The following TTN variants were observed in gnomAD, a reference collection of about 807,000 sequenced individuals.
TTN encodes titin.
Under a neutral mutation model 3,223.0 loss-of-function variants are expected in TTN, and 1,525 were observed. That is an observed-to-expected ratio of 0.47 (90% CI 0.45 to 0.49). The LOEUF (loss-of-function observed/expected upper bound fraction) is 0.49. Among genes scored for constraint, TTN ranks in the 20% least tolerant of loss-of-function variants. The pLI is 0.00. For synonymous variants in TTN, 14,094 were observed against 15,161.0 expected (o/e 0.93, Z 5.17); for missense variants, 40,786 against 43,424.0 (o/e 0.94, Z 5.40).
At chr2:178,666,762 T>C (rs1371804367) in intron 163 of TTN, 62 bp downstream of exon 163, 22 of 1,386,036 alleles carry the variant, frequency 1.6e-5, no homozygotes, top group Non-Finnish European at 2.1e-5. Flanking sequence ...TTAGTATTTT[T>C]ACATGTGTTA....
rs560643672 is a variant in TTN at position 178,570,196 on chromosome 2, T to C, written c.75936A>G (p.Glu25312=). 7.4e-6 allele frequency: 12 copies of C among 1,613,498 alleles called. 1 individual carries two copies. The highest frequency in any genetic ancestry group is 2.7e-5 in the African/African-American group (2 of 75,014). The change falls in exon 326 of 363, where the codon GAA becomes GAG. Residue 25312 remains glutamate, a synonymous_variant. Transcript: ENST00000589042. The stretch of plus-strand genomic sequence containing the variant: ...TTGAGTCCTTGGTCACTGTTGTGAC[T>C]TCTGGAGCTTTTGGTGCATCTGGTA... The part of the protein sequence containing the change: ...FVVPDAPKAP[E]VTTVTKDSMI...
At chr2:178,644,839 GA>G (rs1429686547) in intron 217 of TTN, 1 of 426,356 alleles carries the variant, frequency 2.3e-6, no homozygotes, top group African/African-American at 2.1e-5. Context: ...AGCAGAAAAA[GA>G]AGACAATTTT....
Position 178,599,097 on chromosome 2 carries a change from A to T in TTN, c.56648-35T>A, listed in dbSNP as rs372922025. ...AGATCATATTGATTATAAGAAATTT[A>T]AAAAAAAAGTAAAAATGGCTTTGTA... is the stretch of plus-strand genomic sequence containing the variant. On this transcript the variant is annotated intron_variant, in intron 290 of 362. Transcript: ENST00000589042. The T allele has an allele frequency of 2.7e-4, 397 of 1,484,458 alleles. No homozygotes were observed. In the African/African-American group the frequency reaches 4.3e-3, roughly 16 times the overall value. The allele number at this position is 1,484,458 out of a possible 1,614,324, so 92.0% of individuals were successfully genotyped here. A position where few individuals can be genotyped will look rare whatever the true frequency, so the allele number is the denominator to read the frequency against.
Position 178,684,339 on chromosome 2 carries a change from T to C in TTN, c.32713A>G (p.Lys10905Glu), listed in dbSNP as rs1186242115. 1 of 1,613,462 alleles carries C rather than the reference T, an allele frequency of 6.2e-7. No homozygotes were observed. The highest frequency in any genetic ancestry group is 8.5e-7 in the Non-Finnish European group (1 of 1,179,604). ...VAVTKKEAPP[K>E]ARVPEEPKRA... The stretch of plus-strand genomic sequence containing the variant: ...GGAAGGGCGGATGTACCTCTTGCTT[T>C]TGGAGGCGCCTCTTTTTTAGTTACA... The change falls in exon 132 of 363, where the codon AAA (lysine) becomes GAA (glutamate). Residue 10905 changes from lysine to glutamate, a missense_variant. Physicochemically the swap from Lys to Glu is moderately conservative, Grantham distance 56 (BLOSUM62 1). Coordinates refer to ENST00000589042, the MANE Select transcript of TTN (RefSeq NM_001267550.2).
Position 178,723,889 on chromosome 2 carries a change from A to T in TTN, c.21370T>A (p.Ser7124Thr). ...YTCVAANVAG[S>T]DECRAVLTVQ... ...GTTAGCACTGCACGACATTCATCAG[A>T]CCCAGCGACATTAGCAGCCACGCAT... The change falls in exon 73 of 363, where the codon TCT becomes ACT. Residue 7124 changes from serine (S) to threonine (T), a missense_variant. Transcript: ENST00000589042. 1 of 1,613,070 alleles carries T rather than the reference A, an allele frequency of 6.2e-7. No individual in the cohort carries two copies. The highest frequency in any genetic ancestry group is 8.5e-7 in the Non-Finnish European group (1 of 1,179,268).
chr2:178,770,063 C>T lies in TTN; in HGVS notation c.8638G>A (p.Glu2880Lys). 15 of 1,614,176 alleles carry T rather than the reference C, an allele frequency of 9.3e-6. No individual in the cohort carries two copies. Among genetic ancestry groups the T allele is most frequent in the Non-Finnish European group, 1.3e-5 (15 of 1,180,022 alleles). Residue 2880 changes from glutamate (E) to lysine (K), a missense_variant, in exon 36 of 363, where the codon GAG becomes AAG. Glu to Lys is a moderately conservative substitution (Grantham distance 56). Transcript: ENST00000589042. ...QLECKAKLFVETLHITKTMKN... is the reference protein window; with the variant it reads ...QLECKAKLFVKTLHITKTMKN... ...TAGGGGGCTGCCTGATACTTACTCT[C>T]CACAAACAGTTTTGCTTTGCATTCC...
intron 19 of TTN, 30 bp from the exon 20 acceptor site, chr2:178,782,457 T>C: frequency 6.2e-7 from 1 of 1,613,912 alleles, no homozygotes; most frequent in Non-Finnish European, 8.5e-7. Context: ...CATATTAGCT[T>C]CCGGGTTGCA....
chr2:178,692,802 G>T (rs981484401), intron 119 of TTN, among the ~76,000 whole-genome samples: 2 of 152,134 alleles, frequency 1.3e-5, no homozygotes, highest in Non-Finnish European at 2.9e-5. Flanking sequence ...GGAACAGGTA[G>T]GAGCAATCCT....
chr2:178,580,682 A>G, intron 316 of TTN, 73 bp from the exon 317 acceptor site: 3 of 1,379,084 alleles, frequency 2.2e-6, no homozygotes, highest in Non-Finnish European at 3.0e-6. Context: ...TGGCCTTGTC[A>G]CTCCTAAAAT....
In TTN at chr2:178,663,673, T is replaced by A; in HGVS notation, c.36486A>T (p.Lys12162Asn). 3 of 1,613,642 alleles carry A rather than the reference T, an allele frequency of 1.9e-6. No individual in the cohort carries two copies. The highest frequency in any genetic ancestry group is 2.5e-6 in the Non-Finnish European group (3 of 1,179,744). The change falls in exon 171 of 363, where the codon AAA (lysine) becomes AAT (asparagine). Residue 12162 changes from lysine (K) to asparagine (N), a missense_variant. Coordinates refer to ENST00000589042, the MANE Select transcript of TTN (RefSeq NM_001267550.2). ...EPPKEVVPEKKAPVAPPKEPE... is the reference protein window; with the variant it reads ...EPPKEVVPEKNAPVAPPKEPE... The stretch of plus-strand genomic sequence containing the variant: ...GCTCTTTAGGAGGAGCCACTGGCGC[T>A]TTCTTTTCAGGAACTACTTCTTTGG...
At position 178,549,238 on chromosome 2, in the gene TTN, C is replaced by T. The variant is rs1698372447; in HGVS notation, c.92388G>A (p.Met30796Ile). The change falls in exon 339 of 363, where the codon ATG becomes ATA. Residue 30796 changes from methionine to isoleucine, a missense_variant. By Grantham distance (10) the Met-to-Ile change is conservative. Coordinates refer to ENST00000589042, the MANE Select transcript of TTN (RefSeq NM_001267550.2). ...GTCCAACTCCTGCAGCATTTTCAGC[C>T]ATGACATGGAATTCATACTCATTGC... Reference protein sequence around the residue: ...TEGNEYEFHVMAENAAGVGPA... With the variant: ...TEGNEYEFHVIAENAAGVGPA... The T allele has an allele frequency of 1.9e-6, 3 of 1,613,894 alleles. No homozygotes were observed. In the East Asian group the frequency reaches 6.7e-5, roughly 36 times the overall value.
chr2:178,527,963 CA>C lies in TTN; in HGVS notation c.107378-216del, dbSNP rs1254689461. 7 of 547,940 alleles carry C rather than the reference CA, an allele frequency of 1.3e-5. 1 individual carries two copies. In the Admixed American group the frequency reaches 2.4e-4, roughly 19 times the overall value. The allele number at this position is 547,940 out of a possible 1,614,324, so 33.9% of individuals were successfully genotyped here. A position where few individuals can be genotyped will look rare whatever the true frequency, so the allele number is the denominator to read the frequency against. ...ATGAATCCTTATATTTCTATCATTA[CA>C]TTACATGCAGGTGCTAGGAATCACT... On this transcript the variant is annotated intron_variant, in intron 361 of 362. Coordinates refer to ENST00000589042, the MANE Select transcript of TTN (RefSeq NM_001267550.2).
At chr2:178,708,043 C>G (rs561098957) in intron 99 of TTN, among the ~76,000 whole-genome samples, 2 of 152,218 alleles carry the variant, frequency 1.3e-5, no homozygotes, top group East Asian at 3.9e-4. Context: ...CACATGCTGC[C>G]CACAAATTGC....
At position 178,580,421 on chromosome 2, in the gene TTN, G is replaced by A. The variant is rs772361876; in HGVS notation, c.66958C>T (p.Arg22320Cys). ...TCATATTTGTTCACATTTTCACAGC[G>A]CAAGAAAGTGTCAAAGTCAGTTGAC... ...IKSTDFDTFL[R>C]CENVNKYDAG... Residue 22320 changes from arginine (R) to cysteine (C), a missense_variant, in exon 317 of 363, where the codon CGC (arginine) becomes TGC (cysteine). Arg to Cys is a radical substitution (Grantham distance 180). Coordinates refer to ENST00000589042, the MANE Select transcript of TTN (RefSeq NM_001267550.2). The A allele has an allele frequency of 1.9e-5, 31 of 1,613,130 alleles. No homozygotes were observed. Among genetic ancestry groups the A allele is most frequent in the South Asian group, 8.8e-5 (8 of 91,046 alleles).
Position 178,601,788 on chromosome 2 carries a change from C to T in TTN, c.55303-1G>A, listed in dbSNP as rs748369265. ...CTGAGGAGTTTTCAGCAGTCTCCAG[C>T]TGTACAAAGAAAATAGTAGTCATAC... On this transcript the variant is annotated splice_acceptor_variant, in intron 285 of 362. Transcript: ENST00000589042. LOFTEE classifies it high-confidence loss of function. 63 of 1,601,950 alleles carry T rather than the reference C, an allele frequency of 3.9e-5. 1 individual carries two copies. The South Asian group carries it at 6.9e-4, about 18-fold the overall frequency.
chr2:178,711,292 C>A lies in TTN; in HGVS notation c.27944G>T (p.Gly9315Val), dbSNP rs1240808727. Residue 9315 changes from glycine to valine, a missense_variant, in exon 97 of 363, where the codon GGA becomes GTA. By Grantham distance (109) the Gly-to-Val change is moderately radical. Transcript: ENST00000589042. ...RQLRDVQETVGLPVVFDCAIS... is the reference protein window; with the variant it reads ...RQLRDVQETVVLPVVFDCAIS... ...GGCACAATCAAAAACAACTGGCAGT[C>A]CAACTGTTTCTTGAACATCTCTCAA... 6.2e-7 allele frequency: 1 copy of A among 1,613,024 alleles called. No individual in the cohort carries two copies. The highest frequency in any genetic ancestry group is 1.1e-5 in the South Asian group (1 of 90,882).
chr2:178,546,882 T>C lies in TTN; in HGVS notation c.94546A>G (p.Thr31516Ala). 6.3e-7 allele frequency: 1 copy of C among 1,590,990 alleles called. No individual in the cohort carries two copies. Among genetic ancestry groups the C allele is most frequent in the Non-Finnish European group, 8.6e-7 (1 of 1,165,386 alleles). ...GATACTGTTGATCTTGTGACATCTG[T>C]CACCTCTGGTCTGCCTGGTGCATCT... Reference protein sequence around the residue: ...PVDAPGRPEVTDVTRSTVSLI... With the variant: ...PVDAPGRPEVADVTRSTVSLI... Residue 31516 changes from threonine (T) to alanine (A), a missense_variant, in exon 341 of 363, where the codon ACA (threonine) becomes GCA (alanine). Transcript: ENST00000589042.
Position 178,531,132 on chromosome 2 carries a change from G to A in TTN, c.105483C>T (p.Thr35161=). Residue 35161 remains threonine, a synonymous_variant, in exon 358 of 363, where the codon ACC becomes ACT. Coordinates refer to ENST00000589042, the MANE Select transcript of TTN (RefSeq NM_001267550.2). The stretch of plus-strand genomic sequence containing the variant: ...TTAGCACTTGTCCTTTACGCAGCCA[G>A]GTCACAGTTGGTACCGGCTCACCAT... The part of the protein sequence containing the change: ...DTDGEPVPTV[T]WLRKGQVLST... 6.2e-7 allele frequency: 1 copy of A among 1,613,980 alleles called. No homozygotes were observed. Among genetic ancestry groups the A allele is most frequent in the Non-Finnish European group, 8.5e-7 (1 of 1,179,874 alleles).
At chr2:178,695,466 G>T in intron 114 of TTN, 56 bp from the exon 115 acceptor site, 1 of 1,347,998 alleles carries the variant, frequency 7.4e-7, no homozygotes, top group Non-Finnish European at 1.1e-6. Context: ...GTTCTCTTAG[G>T]TTGTTAATTG....
Sources: allele counts gnomAD v4.1 joint callset (sites outside exome capture counted in the v4.1 genomes callset), GRCh38; gene constraint gnomAD v4.1.1; transcripts MANE v1.5; gene names NCBI Gene and HGNC (gene_info 2026-07-23, HGNC 2026-07-21).